CLPB: variants seen among roughly 807,000 people sequenced by gnomAD.
CLPB encodes mitochondrial disaggregase.
In CLPB, 40 loss-of-function variants were observed where a neutral mutation model predicts 78.4. The observed-to-expected ratio is 0.51, with a 90% confidence interval of 0.40 to 0.66. The LOEUF (loss-of-function observed/expected upper bound fraction) is 0.66. Among genes scored for constraint, CLPB ranks in the 30% least tolerant of loss-of-function variants. The probability of loss-of-function intolerance (pLI) is 0.00; values close to 1 mark genes in which losing one functional copy is unlikely to be tolerated. For missense variants in CLPB, 780 were observed against 886.9 expected (o/e 0.88, Z 1.53); for synonymous variants, 333 against 348.0 (o/e 0.96, Z 0.48).
chr11:72,326,534 A>T (rs965102793), intron 6 of CLPB, among the ~76,000 whole-genome samples: 2 of 152,204 alleles, frequency 1.3e-5, no homozygotes, highest in African/African-American at 4.8e-5. Context: ...TTCTATGAGC[A>T]TAATTTGACT....
At chr11:72,346,043 G>T (rs1454035533) in intron 5 of CLPB, among the ~76,000 whole-genome samples, 12 of 152,236 alleles carry the variant, frequency 7.9e-5, no homozygotes, top group Admixed American at 7.9e-4. Flanking sequence ...AATATGAAAT[G>T]TGTGAAGACA....
At chr11:72,320,876 C>A (rs1950031674) in intron 6 of CLPB, among the ~76,000 whole-genome samples, 1 of 152,188 alleles carries the variant, frequency 6.6e-6, no homozygotes, top group Non-Finnish European at 1.5e-5. Flanking sequence ...CCACGCCCAG[C>A]TAGTTTTTAT....
chr11:72,302,560 C>T, intron 9 of CLPB: 1 of 553,900 alleles, frequency 1.8e-6, no homozygotes. Flanking sequence ...CCTTAAAAGA[C>T]CCAAATCATG....
chr11:72,383,485 C>G (rs1033817142), intron 3 of CLPB, among the ~76,000 whole-genome samples: 1 of 149,206 alleles, frequency 6.7e-6, no homozygotes, highest in Non-Finnish European at 1.5e-5. Context: ...GAGCCAAGAT[C>G]GCACCACTGC....
intron 3 of CLPB, among the ~76,000 whole-genome samples, chr11:72,391,987 T>C (rs1855266260): frequency 1.3e-5 from 2 of 151,796 alleles, no homozygotes; most frequent in Admixed American, 6.6e-5. Context: ...CTGCTTTCAG[T>C]GGCCAGAGGG....
At chr11:72,430,772 G>A (rs181412277) in intron 1 of CLPB, among the ~76,000 whole-genome samples, 1 of 152,274 alleles carries the variant, frequency 6.6e-6, no homozygotes, top group East Asian at 1.9e-4. Context: ...ACCCAGTTCT[G>A]AATCTTGATG....
chr11:72,430,282 G>C, intron 2 of CLPB, 30 bp downstream of exon 2: 1 of 1,604,696 alleles, frequency 6.2e-7, no homozygotes, highest in Non-Finnish European at 8.5e-7. Flanking sequence ...CTCTCCTGTA[G>C]GGGAGAGCAA....
chr11:72,293,488 G>T lies in CLPB; in HGVS notation c.1913C>A (p.Ser638Ter). 4.3e-6 allele frequency: 7 copies of T among 1,614,200 alleles called. No homozygotes were observed. The highest frequency in any genetic ancestry group is 5.9e-6 in the Non-Finnish European group (7 of 1,180,034). Residue 638 changes from serine (S) to a stop codon, truncating the protein, a stop_gained, in exon 16 of 16, where the codon TCA (serine) becomes TAA (stop). Transcript: ENST00000538039. LOFTEE classifies it high-confidence loss of function. Reference protein sequence around the residue: ...KQLLKSPELPSPQAEKRLPKL... With the variant: ...KQLLKSPELP ...GGGGAGGCGCTTCTCAGCCTGGGGT[G>T]AGGGCAGTTCTGGGCTTTTGAGTAG...
chr11:72,419,855 G>A (rs542798693), intron 2 of CLPB, among the ~76,000 whole-genome samples: 4 of 152,194 alleles, frequency 2.6e-5, no homozygotes, highest in South Asian at 4.1e-4. Flanking sequence ...TAGGATTCAC[G>A]TCTGACAAGG....
intron 7 of CLPB, among the ~76,000 whole-genome samples, chr11:72,309,903 ATG>A (rs1257066582): frequency 6.6e-6 from 1 of 151,016 alleles, no homozygotes; most frequent in Non-Finnish European, 1.5e-5. Flanking sequence ...AGTGTTTGGG[ATG>A]TGTCTGCCCA....
chr11:72,364,624 T>C (rs1950907072), intron 4 of CLPB, among the ~76,000 whole-genome samples: 1 of 152,046 alleles, frequency 6.6e-6, no homozygotes, highest in South Asian at 2.1e-4. Context: ...CCTCCCAAAG[T>C]GCTAAGATTA....
chr11:72,296,659 T>C (rs1482836035), intron 11 of CLPB, among the ~76,000 whole-genome samples: 1 of 152,220 alleles, frequency 6.6e-6, no homozygotes, highest in African/African-American at 2.4e-5. Flanking sequence ...TCTACTTTCA[T>C]CACAGATGCT....
At chr11:72,308,628 G>T in intron 7 of CLPB, 24 bp from the exon 8 acceptor site, 1 of 1,604,576 alleles carries the variant, frequency 6.2e-7, no homozygotes, top group South Asian at 1.1e-5. Flanking sequence ...CACAAGATCA[G>T]GGGACAGGGA....
chr11:72,410,838 G>A (rs899686680), intron 2 of CLPB: 16 of 152,236 alleles, frequency 1.1e-4, no homozygotes, highest in African/African-American at 3.9e-4. Flanking sequence ...ACTGATTGGG[G>A]AAGGGGCAAT....
At chr11:72,342,969 T>C (rs1222393075) in intron 5 of CLPB, among the ~76,000 whole-genome samples, 1 of 152,222 alleles carries the variant, frequency 6.6e-6, no homozygotes, top group African/African-American at 2.4e-5. Context: ...TCAATCTTGA[T>C]GGGTTGTCTA....
intron 2 of CLPB, among the ~76,000 whole-genome samples, chr11:72,416,049 C>G (rs138712662): frequency 6.6e-6 from 1 of 152,204 alleles, no homozygotes. Flanking sequence ...GAAGACAGAG[C>G]TGGGACCAAG....
intron 2 of CLPB, among the ~76,000 whole-genome samples, chr11:72,426,557 G>A (rs1199726389): frequency 6.6e-6 from 1 of 152,084 alleles, no homozygotes; most frequent in African/African-American, 2.4e-5. Flanking sequence ...GAGGGAGGGA[G>A]GGAGCGAGGG....
At chr11:72,430,406 T>G (rs750691360) in intron 1 of CLPB, 43 bp from the exon 2 acceptor site, 2 of 1,598,564 alleles carry the variant, frequency 1.3e-6, no homozygotes, top group African/African-American at 2.7e-5. Flanking sequence ...GGCCAGGACA[T>G]ACCCATCTCA....
At chr11:72,320,182 C>A (rs1462518733) in intron 6 of CLPB, among the ~76,000 whole-genome samples, 1 of 152,198 alleles carries the variant, frequency 6.6e-6, no homozygotes, top group Non-Finnish European at 1.5e-5. Flanking sequence ...GTCTGTGGGG[C>A]CTCACATAAC....
Sources: allele counts gnomAD v4.1 joint callset (sites outside exome capture counted in the v4.1 genomes callset), GRCh38; gene constraint gnomAD v4.1.1; transcripts MANE v1.5; gene names NCBI Gene and HGNC (gene_info 2026-07-23, HGNC 2026-07-21).